Variants in NSL1 observed in about 807,000 individuals in gnomAD.
NSL1 encodes the protein kinetochore-associated protein NSL1 homolog.
NSL1 carries 11 observed loss-of-function variants against 25.4 expected under a neutral mutation model. The ratio of observed to expected loss-of-function variants is 0.43; its 90% CI spans 0.27 to 0.72. The LOEUF (loss-of-function observed/expected upper bound fraction) is 0.72. Ranked by LOEUF, NSL1 falls within the 30% of genes least tolerant of loss-of-function variation. The probability of loss-of-function intolerance (pLI) is 0.19; values close to 1 mark genes in which losing one functional copy is unlikely to be tolerated. For synonymous variants in NSL1, 118 were observed against 120.6 expected (o/e 0.98, Z 0.14); for missense variants, 330 against 342.7 (o/e 0.96, Z 0.29).
At position 212,731,210 on chromosome 1, in the gene NSL1, C is replaced by T. The variant is rs1340083657; in HGVS notation, c.*7198G>A. Reference sequence around the variant, plus strand: ...AGAAAAAAAAAAAAACCTGAAGAAACCAAAACTAGAATTATCAGCCAAAAA... The same window carrying T: ...AGAAAAAAAAAAAAACCTGAAGAAATCAAAACTAGAATTATCAGCCAAAAA... On this transcript the variant is annotated 3_prime_UTR_variant, in exon 6 of 6. Transcript: ENST00000366977. 7.1e-6 allele frequency: 7 copies of T among 982,662 alleles called. No individual in the cohort carries two copies. The highest frequency in any genetic ancestry group is 8.4e-6 in the Non-Finnish European group (7 of 829,076). The allele number at this position is 982,662 out of a possible 1,614,324, so 60.9% of individuals were successfully genotyped here.
rs530365659 is a variant in NSL1, at chr1:212,731,477, C to T, written c.*6931G>A. The T allele has an allele frequency of 6.0e-5, 59 of 985,280 alleles. No individual in the cohort carries two copies. The African/African-American group carries it at 8.9e-4, about 15-fold the overall frequency. The allele number at this position is 985,280 out of a possible 1,614,324, so 61.0% of individuals were successfully genotyped here. A position where few individuals can be genotyped will look rare whatever the true frequency, so the allele number is the denominator to read the frequency against. On this transcript the variant is annotated 3_prime_UTR_variant, in exon 6 of 6. Transcript: ENST00000366977. ...CTGAAACCCTGAAAAACTGAAACCCCGAGAAAGGTTCTAGGGGATGATTTG... is the reference window on the plus strand; with the variant it reads ...CTGAAACCCTGAAAAACTGAAACCCTGAGAAAGGTTCTAGGGGATGATTTG...
chr1:212,744,058 G>A (rs757140221), intron 4 of NSL1, among the ~76,000 whole-genome samples: 3 of 152,194 alleles, frequency 2.0e-5, no homozygotes, highest in Admixed American at 1.3e-4. Context: ...GAAAGGTAAC[G>A]AAGCAGCAGA....
Position 212,791,551 on chromosome 1 carries a change from G to A in NSL1, c.213C>T (p.Pro71=). 6.2e-7 allele frequency: 1 copy of A among 1,613,662 alleles called. No individual in the cohort carries two copies. The highest frequency in any genetic ancestry group is 8.5e-7 in the Non-Finnish European group (1 of 1,179,984). The change falls in exon 1 of 6, where the codon CCC becomes CCT. Residue 71 remains proline (P), a synonymous_variant. Coordinates refer to ENST00000366977, the MANE Select transcript of NSL1 (RefSeq NM_015471.4). ...GTACCCACTGCGCATCTCGCAGAGC[G>A]GGCTCCCGAATCTCCTCCGGCAGAG... ...GDALPEEIRE[P]ALRDAQWTFE...
At chr1:212,779,054 A>C (rs1385459151) in intron 4 of NSL1, among the ~76,000 whole-genome samples, 8 of 135,382 alleles carry the variant, frequency 5.9e-5, no homozygotes, top group African/African-American at 8.5e-5. Context: ...CCCGGCCACG[A>C]CCCCATCTAG....
chr1:212,737,182 T>C lies in NSL1; in HGVS notation c.*1226A>G. On this transcript the variant is annotated 3_prime_UTR_variant, in exon 6 of 6. Coordinates refer to ENST00000366977, the MANE Select transcript of NSL1 (RefSeq NM_015471.4). ...ATCAAGATCAGTCTTTGTACATTAT[T>C]TCAATGAAAAACACATAGCTGTGTA... 1.0e-6 allele frequency: 1 copy of C among 985,366 alleles called. No homozygotes were observed. Among genetic ancestry groups the C allele is most frequent in the Non-Finnish European group, 1.2e-6 (1 of 829,880 alleles). 61.0% of individuals were successfully genotyped at this position (985,366 alleles called of 1,614,324 possible).
chr1:212,756,653 C>T (rs1295662015), intron 4 of NSL1, among the ~76,000 whole-genome samples: 3 of 151,994 alleles, frequency 2.0e-5, no homozygotes, highest in African/African-American at 7.3e-5. Context: ...AACCTTGTCT[C>T]TATTAAATAT....
chr1:212,753,819 A>G (rs1659174688), intron 4 of NSL1, among the ~76,000 whole-genome samples: 2 of 152,370 alleles, frequency 1.3e-5, no homozygotes, highest in South Asian at 4.1e-4. Flanking sequence ...ATAAGCTGTA[A>G]CAAGTACTAT....
chr1:212,777,933 G>A (rs1660449331), intron 4 of NSL1, among the ~76,000 whole-genome samples: 1 of 152,234 alleles, frequency 6.6e-6, no homozygotes, highest in South Asian at 2.1e-4. Context: ...AAATGGAAGA[G>A]AGCAAGAGTG....
rs1660962500 is a variant in NSL1, at chr1:212,786,705, G to A, written c.313+854C>T. Among the ~76,000 whole-genome samples the A allele has an allele frequency of 4.0e-5, 6 of 151,756 alleles. No individual in the cohort carries two copies. The South Asian group carries it at 1.2e-3, about 32-fold the overall frequency. Reference sequence around the variant, plus strand: ...CACCTGTGATTCCAGCTACTTGGGAGGCTGAGGCATGAGAACTGCTTGAAC... The same window carrying A: ...CACCTGTGATTCCAGCTACTTGGGAAGCTGAGGCATGAGAACTGCTTGAAC... On this transcript the variant is annotated intron_variant, in intron 2 of 5. Coordinates refer to ENST00000366977, the MANE Select transcript of NSL1 (RefSeq NM_015471.4).
At chr1:212,791,309 C>G (rs1160612542) in intron 1 of NSL1, among the ~76,000 whole-genome samples, 1 of 152,162 alleles carries the variant, frequency 6.6e-6, no homozygotes, top group Non-Finnish European at 1.5e-5. Flanking sequence ...GATTAGCTTG[C>G]CTTGTATTTT....
intron 4 of NSL1, among the ~76,000 whole-genome samples, chr1:212,739,970 C>T (rs1658429770): frequency 6.6e-6 from 1 of 152,058 alleles, no homozygotes; most frequent in African/African-American, 2.4e-5. Flanking sequence ...AACACATATT[C>T]GATCTTAGAA....
At chr1:212,752,027 C>G (rs1659088018) in intron 4 of NSL1, among the ~76,000 whole-genome samples, 2 of 152,190 alleles carry the variant, frequency 1.3e-5, no homozygotes, top group African/African-American at 4.8e-5. Context: ...TGTCTTCTCT[C>G]TAGAACCTCG....
intron 1 of NSL1, among the ~76,000 whole-genome samples, chr1:212,790,279 G>A (rs1014563780): frequency 5.9e-5 from 9 of 151,828 alleles, no homozygotes; most frequent in Admixed American, 1.3e-4. Context: ...CGCCCGCCTC[G>A]GCCTCCCAAA....
intron 4 of NSL1, among the ~76,000 whole-genome samples, chr1:212,759,835 A>G (rs1407267566): frequency 6.6e-6 from 1 of 152,136 alleles, no homozygotes; most frequent in Non-Finnish European, 1.5e-5. Flanking sequence ...CCAGCAGTGC[A>G]GTGCACCAGG....
chr1:212,779,415 G>A (rs1262236325), intron 4 of NSL1, among the ~76,000 whole-genome samples: 76 of 121,424 alleles, frequency 6.3e-4, no homozygotes, highest in African/African-American at 7.4e-4. Flanking sequence ...CAGCCGCCCC[G>A]TCCGGGAGGT....
chr1:212,739,633 T>C lies in NSL1; in HGVS notation c.500-32A>G, dbSNP rs747099454. The stretch of plus-strand genomic sequence containing the variant: ...AAACATTGCCAAACAGTATTTTAGG[T>C]TTTTATCTAATAGCAAATCATAAAA... On this transcript the variant is annotated intron_variant, in intron 4 of 5. Coordinates refer to ENST00000366977, the MANE Select transcript of NSL1 (RefSeq NM_015471.4). 23 of 1,603,672 alleles carry C rather than the reference T, an allele frequency of 1.4e-5. No homozygotes were observed. In the East Asian group the frequency reaches 4.9e-4, roughly 34 times the overall value.
At position 212,737,396 on chromosome 1, in the gene NSL1, T is replaced by C. The variant is rs890332748; in HGVS notation, c.*1012A>G. On this transcript the variant is annotated 3_prime_UTR_variant, in exon 6 of 6. Transcript: ENST00000366977. ...ATGATCAGTAAATTCCTTTGAAAAA[T>C]GAATGAAGGTATCAGAGTCATCAAA... The C allele has an allele frequency of 3.0e-5, 30 of 984,420 alleles. No individual in the cohort carries two copies. Among genetic ancestry groups the C allele is most frequent in the Non-Finnish European group, 3.6e-5 (30 of 829,236 alleles). 61.0% of individuals were successfully genotyped at this position (984,420 alleles called of 1,614,324 possible).
At chr1:212,742,171 T>A (rs2102431807) in intron 4 of NSL1, among the ~76,000 whole-genome samples, 1 of 152,338 alleles carries the variant, frequency 6.6e-6, no homozygotes, top group East Asian at 1.9e-4. Context: ...TCAAAATATG[T>A]ACTTAATATG....
Position 212,791,624 on chromosome 1 carries a change from G to A in NSL1, c.140C>T (p.Thr47Ile). Residue 47 changes from threonine (T) to isoleucine (I), a missense_variant, in exon 1 of 6, where the codon ACC (threonine) becomes ATC (isoleucine). Transcript: ENST00000366977. ...GCGGCCGCACAGTTGTAGCATTTCG[G>A]TCACAGCCCGCTTCGAGGTGCAGCG... ...RVRCTSKRAV[T>I]EMLQLCGRFV... 1 of 1,613,884 alleles carries A rather than the reference G, an allele frequency of 6.2e-7. No homozygotes were observed. Among genetic ancestry groups the A allele is most frequent in the Non-Finnish European group, 8.5e-7 (1 of 1,180,028 alleles).
Sources: gnomAD v4.1 joint callset for allele counts (sites outside exome capture counted in the v4.1 genomes callset) on GRCh38, gnomAD v4.1.1 for gene constraint, MANE v1.5 for transcripts, NCBI Gene and HGNC (gene_info 2026-07-23, HGNC 2026-07-21) for gene names.